Variants in MNAT1 observed in about 807,000 individuals in gnomAD.
MNAT1 encodes the protein CDK-activating kinase assembly factor MAT1.
MNAT1 carries 43 observed loss-of-function variants against 42.0 expected under a neutral mutation model. The ratio of observed to expected loss-of-function variants is 1.02; its 90% confidence interval spans 0.80 to 1.32. The LOEUF (loss-of-function observed/expected upper bound fraction) is 1.32. Among genes scored for constraint, MNAT1 ranks in the 40% most tolerant of loss-of-function variants. The pLI, the probability that MNAT1 is intolerant of heterozygous loss-of-function variation, is 0.00. For missense variants in MNAT1, 306 were observed against 350.4 expected, an observed-to-expected ratio of 0.87 and a Z score of 1.01; for synonymous variants, 118 against 120.0, an observed-to-expected ratio of 0.98 and a Z score of 0.11.
chr14:60,818,683 C>T, intron 5 of MNAT1, 39 bp from the exon 6 acceptor site: 3 of 1,497,624 alleles, frequency 2.0e-6, no homozygotes, highest in South Asian at 2.9e-5. Context: ...TTAGTTTTCC[C>T]TTTTTACATT....
intron 1 of MNAT1, among the ~76,000 whole-genome samples, chr14:60,766,806 G>A (rs2030847112): frequency 6.6e-6 from 1 of 152,118 alleles, no homozygotes; most frequent in Non-Finnish European, 1.5e-5. Context: ...TTTTGGGGAG[G>A]CTTATTAATA....
intron 1 of MNAT1, among the ~76,000 whole-genome samples, chr14:60,742,770 C>T (rs534088755): frequency 2.0e-5 from 3 of 152,300 alleles, no homozygotes; most frequent in Admixed American, 1.3e-4. Context: ...TCTGGACTGG[C>T]TTCTTTTACA....
At chr14:60,923,667 C>T (rs2139557084) in intron 7 of MNAT1, among the ~76,000 whole-genome samples, 1 of 152,104 alleles carries the variant, frequency 6.6e-6, no homozygotes, top group East Asian at 1.9e-4. Context: ...ATTTCATTAG[C>T]AAAAAATCCC....
intron 7 of MNAT1, among the ~76,000 whole-genome samples, chr14:60,902,912 G>A (rs1999054): frequency 0.93 from 141,089 of 151,932 alleles, 66,012 homozygotes; most frequent in Non-Finnish European, 0.99. Context: ...TCTATTAGGT[G>A]AATATCTGGG....
At chr14:60,849,710 A>C (rs1160850524) in intron 6 of MNAT1, among the ~76,000 whole-genome samples, 4 of 152,170 alleles carry the variant, frequency 2.6e-5, no homozygotes, top group Non-Finnish European at 5.9e-5. Flanking sequence ...ATGGCTGTAG[A>C]TTCTATAATT....
At chr14:60,769,804 A>T (rs1169892622) in intron 1 of MNAT1, among the ~76,000 whole-genome samples, 2 of 152,124 alleles carry the variant, frequency 1.3e-5, no homozygotes, top group Non-Finnish European at 2.9e-5. Flanking sequence ...GCAGGCACAT[A>T]CATGGCTAGT....
chr14:60,909,885 A>T (rs1248866902), intron 7 of MNAT1, among the ~76,000 whole-genome samples: 1 of 151,812 alleles, frequency 6.6e-6, no homozygotes, highest in Admixed American at 6.6e-5. Context: ...CTTGATGGGG[A>T]TGGCATTGAA....
chr14:60,835,924 G>A (rs887937405), intron 6 of MNAT1, among the ~76,000 whole-genome samples: 1 of 152,092 alleles, frequency 6.6e-6, no homozygotes, highest in Non-Finnish European at 1.5e-5. Context: ...TGGAGGCTTT[G>A]TTCATTCCTT....
chr14:60,769,835 A>ATT (rs1419798821), intron 1 of MNAT1, among the ~76,000 whole-genome samples: 1 of 151,808 alleles, frequency 6.6e-6, no homozygotes, highest in Non-Finnish European at 1.5e-5. Flanking sequence ...TGTTTTTAAA[A>ATT]TGTTTTTTTT....
chr14:60,904,976 C>CT lies in MNAT1; in HGVS notation c.809+25158dup, dbSNP rs3081651. On this transcript the variant is annotated intron_variant, in intron 7 of 7. Transcript: ENST00000261245. ...AAAACAATAGATTGTTCAGCAGTTC[C>CT]TTTTTTTTTTTTTTTTTGGACGGAG... 4.7e-3 allele frequency among the ~76,000 whole-genome samples: 371 copies of CT among 79,012 alleles called. 22 individuals carry two copies. Among genetic ancestry groups the CT allele is most frequent in the Non-Finnish European group, 6.8e-3 (285 of 41,742 alleles). The allele number at this position is 79,012 out of a possible 152,430, so 51.8% of individuals were successfully genotyped here. A position where few individuals can be genotyped will look rare whatever the true frequency, so the allele number is the denominator to read the frequency against.
chr14:60,737,034 C>G (rs1319403346), intron 1 of MNAT1, among the ~76,000 whole-genome samples: 1 of 152,066 alleles, frequency 6.6e-6, no homozygotes, highest in African/African-American at 2.4e-5. Context: ...TATAAGGACT[C>G]TGTTGTAATT....
intron 1 of MNAT1, among the ~76,000 whole-genome samples, chr14:60,788,845 G>A (rs372399081): frequency 6.6e-6 from 1 of 152,204 alleles, no homozygotes; most frequent in Non-Finnish European, 1.5e-5. Context: ...TTAAGGGAAT[G>A]TTGTGGCTGG....
intron 7 of MNAT1, among the ~76,000 whole-genome samples, chr14:60,899,130 T>A (rs2035023701): frequency 6.6e-6 from 1 of 152,182 alleles, no homozygotes; most frequent in Admixed American, 6.5e-5. Flanking sequence ...ATGAAATTTT[T>A]ATCTTAATTT....
chr14:60,966,109 A>T (rs1278803448), intron 7 of MNAT1, among the ~76,000 whole-genome samples: 2 of 152,136 alleles, frequency 1.3e-5, no homozygotes, highest in East Asian at 3.9e-4. Context: ...AGGTTCTATC[A>T]AGAGTTTAAC....
chr14:60,752,996 C>T (rs1174438927), intron 1 of MNAT1, among the ~76,000 whole-genome samples: 1 of 152,194 alleles, frequency 6.6e-6, no homozygotes, highest in African/African-American at 2.4e-5. Flanking sequence ...AACTCCTGAC[C>T]TCAGGTGACC....
intron 1 of MNAT1, among the ~76,000 whole-genome samples, chr14:60,758,807 C>G (rs1282329429): frequency 2.0e-5 from 3 of 152,094 alleles, no homozygotes; most frequent in Non-Finnish European, 4.4e-5. Flanking sequence ...TTGAAAGCCC[C>G]TTTGAAGTTT....
chr14:60,849,458 T>A (rs1418302416), intron 6 of MNAT1, among the ~76,000 whole-genome samples: 1 of 152,192 alleles, frequency 6.6e-6, no homozygotes, highest in East Asian at 1.9e-4. Context: ...ATGTTACTAA[T>A]GAGAATGGAC....
chr14:60,927,141 A>G (rs761405621), intron 7 of MNAT1, among the ~76,000 whole-genome samples: 19 of 152,144 alleles, frequency 1.2e-4, no homozygotes, highest in Non-Finnish European at 2.2e-4. Context: ...ATATCTTCTG[A>G]CTTGATGTGG....
chr14:60,766,753 A>G (rs2030844585), intron 1 of MNAT1, among the ~76,000 whole-genome samples: 1 of 152,208 alleles, frequency 6.6e-6, no homozygotes, highest in Non-Finnish European at 1.5e-5. Context: ...ATATGGGACA[A>G]TTAATGAATA....
Sources: gnomAD v4.1 joint callset for allele counts (sites outside exome capture counted in the v4.1 genomes callset) on GRCh38, gnomAD v4.1.1 for gene constraint, MANE v1.5 for transcripts, NCBI Gene and HGNC (gene_info 2026-07-23, HGNC 2026-07-21) for gene names.